The following RALYL variants were observed in gnomAD, a reference collection of about 807,000 sequenced individuals.
RALYL encodes RALY RNA binding protein like, also known as RNA-binding Raly-like protein.
In RALYL, 29 loss-of-function variants were observed where a neutral mutation model predicts 35.1. The ratio of observed to expected loss-of-function variants is 0.83; its 90% CI spans 0.61 to 1.13. The LOEUF (loss-of-function observed/expected upper bound fraction) is 1.13. Ranked by LOEUF, RALYL falls within the 50% of genes most tolerant of loss-of-function variation. The pLI, the probability that RALYL is intolerant of heterozygous loss-of-function variation, is 0.00. For synonymous variants in RALYL, 120 were observed against 127.6 expected (o/e 0.94, Z 0.40); for missense variants, 359 against 360.4 (o/e 1.00, Z 0.03).
intron 4 of RALYL, among the ~76,000 whole-genome samples, chr8:84,818,157 G>A (rs969794749): frequency 2.0e-5 from 3 of 152,104 alleles, no homozygotes; most frequent in African/African-American, 7.2e-5. Flanking sequence ...CAAAACAGCA[G>A]CCTGAAGACA....
chr8:84,468,305 T>G (rs1219041851), intron 1 of RALYL, among the ~76,000 whole-genome samples: 2 of 152,184 alleles, frequency 1.3e-5, no homozygotes, highest in Non-Finnish European at 2.9e-5. Context: ...CCATGTTTAG[T>G]GCTTCTTTCA....
At chr8:84,523,659 T>TCC (rs570057276) in intron 1 of RALYL, among the ~76,000 whole-genome samples, 1 of 89,474 alleles carries the variant, frequency 1.1e-5, no homozygotes, top group African/African-American at 4.5e-5. Context: ...ATGCTATCCC[T>TCC]CCCCCCTCCC....
At chr8:84,306,524 C>A (rs1841846111) in intron 1 of RALYL, among the ~76,000 whole-genome samples, 1 of 152,114 alleles carries the variant, frequency 6.6e-6, no homozygotes, top group South Asian at 2.1e-4. Flanking sequence ...ACCTACAGTG[C>A]CTGATGCGCC....
intron 2 of RALYL, among the ~76,000 whole-genome samples, chr8:84,591,278 T>C (rs1588386434): frequency 6.6e-6 from 1 of 152,060 alleles, no homozygotes; most frequent in Non-Finnish European, 1.5e-5. Context: ...GACATCAGGG[T>C]CAGAAGGTAC....
chr8:84,868,810 C>T (rs1275859941), intron 6 of RALYL, among the ~76,000 whole-genome samples: 1 of 152,054 alleles, frequency 6.6e-6, no homozygotes, highest in African/African-American at 2.4e-5. Flanking sequence ...GAAATTTCAT[C>T]TATGGGGTGG....
In RALYL at chr8:84,873,389, C is replaced by T. The variant is rs1050792004; in HGVS notation, c.677C>T (p.Ala226Val). 54 of 1,584,386 alleles carry T rather than the reference C, an allele frequency of 3.4e-5. No homozygotes were observed. The highest frequency in any genetic ancestry group is 6.7e-5 in the African/African-American group (5 of 74,254). The change falls in exon 7 of 9, where the codon GCG becomes GTG. Residue 226 changes from alanine to valine, a missense_variant. Coordinates refer to ENST00000521268, the MANE Select transcript of RALYL (RefSeq NM_173848.7). ...GAGAAGATTGAGAAACAGCAGAAGG[C>T]GGAGGCAGGTAAGTGATCTCTGATC... The part of the protein sequence containing the change: ...RLEKIEKQQK[A>V]EAEAQKKQLE...
At position 84,351,117 on chromosome 8, in the gene RALYL, C is replaced by T. The variant is rs548006581; in HGVS notation, c.-24+166693C>T. ...TCTTTAGAACTTTAAATATCAATAT[C>T]GAACAGTGTTACATTAAAGTAAAAT... On this transcript the variant is annotated intron_variant, in intron 1 of 8. Transcript: ENST00000521268. 2.6e-4 allele frequency among the ~76,000 whole-genome samples: 39 copies of T among 149,898 alleles called. 2 individuals carry two copies. Among genetic ancestry groups the T allele is most frequent in the African/African-American group, 6.5e-4 (26 of 40,298 alleles).
intron 1 of RALYL, among the ~76,000 whole-genome samples, chr8:84,515,701 CA>C (rs887119861): frequency 6.0e-5 from 9 of 151,136 alleles, no homozygotes; most frequent in Admixed American, 1.3e-4. Context: ...ATGTATAGTA[CA>C]AAAAAAATTA....
At chr8:84,289,926 A>T (rs1346563393) in intron 1 of RALYL, among the ~76,000 whole-genome samples, 1 of 152,120 alleles carries the variant, frequency 6.6e-6, no homozygotes, top group Non-Finnish European at 1.5e-5. Flanking sequence ...TTTTGTTTCC[A>T]CTAGATTCCT....
intron 2 of RALYL, among the ~76,000 whole-genome samples, chr8:84,692,576 T>A (rs957980924): frequency 6.6e-6 from 1 of 152,088 alleles, no homozygotes; most frequent in African/African-American, 2.4e-5. Context: ...TAGTGAAATA[T>A]CTATTTCTCA....
chr8:84,448,016 CT>C (rs2049035222), intron 1 of RALYL, among the ~76,000 whole-genome samples: 1 of 151,852 alleles, frequency 6.6e-6, no homozygotes, highest in South Asian at 2.1e-4. Context: ...AGAGCACTGC[CT>C]GGTAATCTTT....
At chr8:84,814,003 G>C (rs1427541294) in intron 4 of RALYL, among the ~76,000 whole-genome samples, 1 of 150,474 alleles carries the variant, frequency 6.6e-6, no homozygotes, top group African/African-American at 2.4e-5. Context: ...TGCAGTGCTT[G>C]GTTTTTTATC....
At chr8:84,660,891 A>C (rs927479888) in intron 2 of RALYL, among the ~76,000 whole-genome samples, 3 of 151,992 alleles carry the variant, frequency 2.0e-5, no homozygotes, top group African/African-American at 7.2e-5. Flanking sequence ...ATATACATAT[A>C]AAATGTCTTA....
chr8:84,714,263 G>A (rs1458605691), intron 2 of RALYL, among the ~76,000 whole-genome samples: 1 of 151,664 alleles, frequency 6.6e-6, no homozygotes, highest in Non-Finnish European at 1.5e-5. Context: ...GGACAGGAAG[G>A]GCAATGGAAA....
intron 1 of RALYL, among the ~76,000 whole-genome samples, chr8:84,428,518 T>G (rs1445565765): frequency 6.6e-6 from 1 of 152,202 alleles, no homozygotes; most frequent in Non-Finnish European, 1.5e-5. Flanking sequence ...GAATTCTTGA[T>G]GTAAATGGAT....
chr8:84,523,863 G>A (rs547946515), intron 1 of RALYL, among the ~76,000 whole-genome samples: 144 of 151,998 alleles, frequency 9.5e-4, no homozygotes, highest in Non-Finnish European at 1.7e-3. Context: ...TTTTATGGCT[G>A]CATAGTATTC....
At chr8:84,510,113 C>A (rs539886761) in intron 1 of RALYL, among the ~76,000 whole-genome samples, 1 of 152,250 alleles carries the variant, frequency 6.6e-6, no homozygotes, top group Non-Finnish European at 1.5e-5. Context: ...GGTATCTTGG[C>A]AATATCTATG....
chr8:84,733,051 A>G (rs1846541501), intron 2 of RALYL, among the ~76,000 whole-genome samples: 1 of 152,070 alleles, frequency 6.6e-6, no homozygotes, highest in Admixed American at 6.6e-5. Flanking sequence ...CTTGTGGCCC[A>G]GAGTCAGATA....
At chr8:84,403,156 T>C (rs1165802258) in intron 1 of RALYL, among the ~76,000 whole-genome samples, 1 of 152,128 alleles carries the variant, frequency 6.6e-6, no homozygotes, top group African/African-American at 2.4e-5. Context: ...AGAAGCTCTT[T>C]AGTTTAACTA....
Sources: allele counts gnomAD v4.1 joint callset (sites outside exome capture counted in the v4.1 genomes callset), GRCh38; gene constraint gnomAD v4.1.1; transcripts MANE v1.5; gene names NCBI Gene and HGNC (gene_info 2026-07-23, HGNC 2026-07-21).